GJB7: variants seen among roughly 807,000 people sequenced by gnomAD.
GJB7 encodes gap junction beta-7 protein.
For synonymous variants in GJB7, 87 were observed against 95.2 expected (o/e 0.91, Z 0.50); for missense variants, 253 against 256.8 (o/e 0.99, Z 0.10).
chr6:87,298,934 G>A, intron 2 of GJB7: 1 of 446,012 alleles, frequency 2.2e-6, no homozygotes, highest in Non-Finnish European at 4.4e-6. Context: ...GTTACAATAG[G>A]GCCAAAAACA....
In GJB7 at chr6:87,283,477, T is replaced by C. The variant is rs1179836639; in HGVS notation, c.*764A>G. ...CCTCCCAGTAATATTTCTACTTGAT[T>C]TGGAGACCACTGAAATGATAGCTTT... On this transcript the variant is annotated 3_prime_UTR_variant, in exon 3 of 3. Transcript: ENST00000525899. 6.6e-6 allele frequency: 1 copy of C among 152,254 alleles called. No homozygotes were observed. Among genetic ancestry groups the C allele is most frequent in the Non-Finnish European group, 1.5e-5 (1 of 68,058 alleles). The allele number at this position is 152,254 out of a possible 1,614,324, so 9.4% of individuals were successfully genotyped here.
At chr6:87,308,414 C>A (rs1338662340) in intron 2 of GJB7, among the ~76,000 whole-genome samples, 1 of 152,030 alleles carries the variant, frequency 6.6e-6, no homozygotes, top group Non-Finnish European at 1.5e-5. Context: ...TATCCCGTAA[C>A]TGAAATTAAG....
intron 2 of GJB7, among the ~76,000 whole-genome samples, chr6:87,308,841 A>G (rs1325155667): frequency 1.3e-5 from 2 of 152,220 alleles, no homozygotes; most frequent in Admixed American, 6.5e-5. Context: ...AAGAAACAAA[A>G]TAATAAAAAT....
In GJB7 at chr6:87,284,399, T is replaced by C. The variant is rs571813050; in HGVS notation, c.514A>G (p.Lys172Glu). Residue 172 changes from lysine to glutamate, a missense_variant, in exon 3 of 3, where the codon AAA (lysine) becomes GAA (glutamate). Lys to Glu is a moderately conservative substitution (Grantham distance 56). Transcript: ENST00000525899. ...ATGAAGATCGTCTTCTCAGTGGGTTTGGAGATGAAGCAGTCCACAGTGTTG... is the reference window on the plus strand; with the variant it reads ...ATGAAGATCGTCTTCTCAGTGGGTTCGGAGATGAAGCAGTCCACAGTGTTG... ...CPNTVDCFIS[K>E]PTEKTIFILF... is the part of the protein sequence containing the mutation. 1.2e-6 allele frequency: 2 copies of C among 1,614,188 alleles called. No individual in the cohort carries two copies. The highest frequency in any genetic ancestry group is 2.7e-5 in the African/African-American group (2 of 75,044).
At chr6:87,289,701 C>T (rs1438962669) in intron 2 of GJB7, among the ~76,000 whole-genome samples, 2 of 152,142 alleles carry the variant, frequency 1.3e-5, no homozygotes, top group African/African-American at 4.8e-5. Flanking sequence ...ACTGTTGAAA[C>T]CCCTGTTGAG....
intron 2 of GJB7, among the ~76,000 whole-genome samples, chr6:87,306,360 C>T (rs1240043168): frequency 1.1e-4 from 16 of 152,228 alleles, no homozygotes; most frequent in East Asian, 5.8e-4. Flanking sequence ...AAAAAGTGGG[C>T]GAAGGACATG....
At chr6:87,286,688 G>C (rs1776066137) in intron 2 of GJB7, among the ~76,000 whole-genome samples, 1 of 152,150 alleles carries the variant, frequency 6.6e-6, no homozygotes, top group African/African-American at 2.4e-5. Flanking sequence ...TTCATTGTTT[G>C]TTGGGTCCAT....
chr6:87,284,329 A>T lies in GJB7; in HGVS notation c.584T>A (p.Phe195Tyr). The T allele has an allele frequency of 1.9e-6, 3 of 1,614,082 alleles. No individual in the cohort carries two copies. In the East Asian group the frequency reaches 6.7e-5, roughly 36 times the overall value. ...ITSCLCIVLN[F>Y]IELSFLVLKC... ...GAGAACCAAAAAACTCAGTTCAATG[A>T]AATTCAACACAATACACAAGCATGA... Residue 195 changes from phenylalanine (F) to tyrosine (Y), a missense_variant, in exon 3 of 3, where the codon TTC becomes TAC. Transcript: ENST00000525899.
At chr6:87,306,010 T>A (rs1433585167) in intron 2 of GJB7, among the ~76,000 whole-genome samples, 1 of 151,752 alleles carries the variant, frequency 6.6e-6, no homozygotes, top group Non-Finnish European at 1.5e-5. Flanking sequence ...TCCTTACACC[T>A]TATACAAAAA....
chr6:87,292,657 T>C (rs1265529910), intron 2 of GJB7, among the ~76,000 whole-genome samples: 2 of 152,214 alleles, frequency 1.3e-5, no homozygotes, highest in African/African-American at 4.8e-5. Context: ...AAATTAAAGA[T>C]ATGTAGAAAT....
chr6:87,292,838 T>C (rs963690694), intron 2 of GJB7, among the ~76,000 whole-genome samples: 1 of 152,182 alleles, frequency 6.6e-6, no homozygotes, highest in Non-Finnish European at 1.5e-5. Context: ...ATGAAAAGTA[T>C]AGAAAGGAGC....
intron 2 of GJB7, among the ~76,000 whole-genome samples, chr6:87,310,065 C>T (rs1374044119): frequency 6.6e-6 from 1 of 152,014 alleles, no homozygotes; most frequent in East Asian, 1.9e-4. Flanking sequence ...AGAAAATGGT[C>T]TTTTCAATAA....
chr6:87,303,571 G>A lies in GJB7; in HGVS notation c.-27-18632C>T, dbSNP rs201893371. On this transcript the variant is annotated intron_variant, in intron 2 of 2. Coordinates refer to ENST00000525899, the MANE Select transcript of GJB7 (RefSeq NM_198568.3). ...AAAGAGACTTAGACTTCCACACAAT[G>A]ATAATGGGAGACTAACACCACACTG... Among the ~76,000 whole-genome samples the A allele has an allele frequency of 4.2e-3, 641 of 152,092 alleles. 20 individuals carry two copies. The East Asian group carries it at 0.1, about 25-fold the overall frequency.
At chr6:87,294,659 C>T (rs1776224242) in intron 2 of GJB7, among the ~76,000 whole-genome samples, 1 of 152,128 alleles carries the variant, frequency 6.6e-6, no homozygotes, top group Non-Finnish European at 1.5e-5. Context: ...TTGTTCTGGC[C>T]TGAATAGGGC....
intron 2 of GJB7, among the ~76,000 whole-genome samples, chr6:87,317,173 G>A (rs983926557): frequency 2.0e-5 from 3 of 147,224 alleles, no homozygotes; most frequent in Non-Finnish European, 4.5e-5. Context: ...TGGCCAACAG[G>A]GTGAGACCCT....
intron 2 of GJB7, chr6:87,299,510 T>C (rs1163818283): frequency 5.5e-6 from 2 of 363,066 alleles, no homozygotes; most frequent in Non-Finnish European, 1.1e-5. Flanking sequence ...ATTTCTAGTG[T>C]CCAGACCACT....
chr6:87,313,040 A>G (rs1176002411), intron 2 of GJB7, among the ~76,000 whole-genome samples: 2 of 152,232 alleles, frequency 1.3e-5, no homozygotes, highest in African/African-American at 4.8e-5. Context: ...AACTTCTATC[A>G]TTAATCAAGA....
In GJB7 at chr6:87,284,684, AAAGTCTGACTT is replaced by A; in HGVS notation, c.218_228del (p.Gln73LeufsTer23). 1 of 1,614,166 alleles carries A rather than the reference AAAGTCTGACTT, an allele frequency of 6.2e-7. No homozygotes were observed. The highest frequency in any genetic ancestry group is 1.1e-5 in the South Asian group (1 of 91,086). On this transcript the variant is annotated frameshift_variant, in exon 3 of 3. Coordinates refer to ENST00000525899, the MANE Select transcript of GJB7 (RefSeq NM_198568.3). LOFTEE classifies it low-confidence loss of function (END_TRUNC). Reference sequence around the variant, plus strand: ...GAGACCATTATCAGTTGTAAGGCCCAAAGTCTGACTTGGGAAATGGGGAAGAAGTCATCAAA... The same window carrying A: ...GAGACCATTATCAGTTGTAAGGCCCAGGGAAATGGGGAAGAAGTCATCAAA...
intron 2 of GJB7, among the ~76,000 whole-genome samples, chr6:87,309,125 G>C (rs1315014122): frequency 1.3e-5 from 2 of 152,186 alleles, no homozygotes; most frequent in Non-Finnish European, 2.9e-5. Context: ...AGCCTTGGCG[G>C]CTGACACACG....
Sources: allele counts gnomAD v4.1 joint callset (sites outside exome capture counted in the v4.1 genomes callset), GRCh38; gene constraint gnomAD v4.1.1; transcripts MANE v1.5; gene names NCBI Gene and HGNC (gene_info 2026-07-23, HGNC 2026-07-21).